Variants in FGD5 observed in about 807,000 individuals in gnomAD.
The protein encoded by FGD5 is FYVE, RhoGEF and PH domain containing 5, also known as FYVE, RhoGEF and PH domain-containing protein 5.
A neutral mutation model predicts 133.4 loss-of-function variants in FGD5; 28 were observed. That is an observed-to-expected ratio of 0.21 (90% confidence interval 0.16 to 0.29). The LOEUF is 0.29. Among genes scored for constraint, FGD5 ranks in the 10% least tolerant of loss-of-function variants. FGD5 has a pLI of 1.00. For missense variants in FGD5, 1,858 were observed against 1,895.2 expected, an observed-to-expected ratio of 0.98 and a Z score of 0.36; for synonymous variants, 810 against 776.5, an observed-to-expected ratio of 1.04 and a Z score of -0.72.
Position 14,864,215 on chromosome 3 carries a change from G to A in FGD5, c.2613G>A (p.Ser871=), listed in dbSNP as rs267599640. ...CGTCGGATGAAGAGCAGAGAAGCTC[G>A]GAGGAGGAGGACAGTGCTTCAAGAG... ...DLTSDEEQRS[S]EEEDSASRDP... The change falls in exon 2 of 20, where the codon TCG becomes TCA. Residue 871 remains serine (S), a synonymous_variant. Coordinates refer to ENST00000285046, the MANE Select transcript of FGD5 (RefSeq NM_152536.4). The A allele has an allele frequency of 1.1e-5, 18 of 1,613,352 alleles. No individual in the cohort carries two copies. Among genetic ancestry groups the A allele is most frequent in the African/African-American group, 1.3e-5 (1 of 74,934 alleles).
At chr3:14,859,477 GA>G (rs536688060) in intron 1 of FGD5, among the ~76,000 whole-genome samples, 16 of 152,012 alleles carry the variant, frequency 1.1e-4, no homozygotes, top group African/African-American at 3.6e-4. Flanking sequence ...AGAATCACTT[GA>G]ACCTAGAAAG....
At chr3:14,837,110 A>G (rs898653333) in intron 1 of FGD5, among the ~76,000 whole-genome samples, 6 of 152,200 alleles carry the variant, frequency 3.9e-5, no homozygotes, top group African/African-American at 1.4e-4. Context: ...TGTGAAGTGC[A>G]GAGAGTCAAA....
intron 1 of FGD5, among the ~76,000 whole-genome samples, chr3:14,842,500 C>A (rs188797518): frequency 6.8e-4 from 103 of 152,330 alleles, no homozygotes; most frequent in Non-Finnish European, 1.1e-3. Context: ...TTCAGCTTCC[C>A]TCTGTTCTCC....
At chr3:14,895,523 G>A (rs1038283242) in intron 4 of FGD5, among the ~76,000 whole-genome samples, 1 of 152,134 alleles carries the variant, frequency 6.6e-6, no homozygotes, top group African/African-American at 2.4e-5. Flanking sequence ...GTGATTGTGT[G>A]GATTTATATC....
At chr3:14,860,801 C>T (rs2037382629) in intron 1 of FGD5, among the ~76,000 whole-genome samples, 1 of 140,678 alleles carries the variant, frequency 7.1e-6, no homozygotes, top group East Asian at 3.3e-4. Context: ...TAGTGAGACC[C>T]CTTTTTTAAA....
intron 1 of FGD5, among the ~76,000 whole-genome samples, chr3:14,855,713 TTG>T (rs372584025): frequency 6.6e-6 from 1 of 151,928 alleles, no homozygotes; most frequent in Non-Finnish European, 1.5e-5. Flanking sequence ...GATTGGGTTT[TTG>T]TGTGTGTGTG....
intron 11 of FGD5, among the ~76,000 whole-genome samples, chr3:14,913,158 A>G (rs1036665903): frequency 5.9e-5 from 9 of 152,028 alleles, no homozygotes; most frequent in Admixed American, 4.6e-4. Context: ...CCCTTAGACA[A>G]CTCACAGACA....
chr3:14,922,327 A>G lies in FGD5; in HGVS notation c.3670-84A>G. On this transcript the variant is annotated intron_variant, in intron 14 of 19. Coordinates refer to ENST00000285046, the MANE Select transcript of FGD5 (RefSeq NM_152536.4). The surrounding 1 kb of genome is among the most constrained non-coding windows in gnomAD (Gnocchi z 4.1). ...CACACATCACACACCCTGCACAGAG[A>G]CGCAGGGCAGGGCTCACTGGGCTCT... 1 of 1,516,074 alleles carries G rather than the reference A, an allele frequency of 6.6e-7. No individual in the cohort carries two copies. Among genetic ancestry groups the G allele is most frequent in the South Asian group, 1.2e-5 (1 of 80,934 alleles). The allele number at this position is 1,516,074 out of a possible 1,614,324, so 93.9% of individuals were successfully genotyped here.
intron 4 of FGD5, among the ~76,000 whole-genome samples, chr3:14,891,659 C>G (rs1352881067): frequency 6.6e-6 from 1 of 152,216 alleles, no homozygotes; most frequent in Non-Finnish European, 1.5e-5. Context: ...CGTGTCCTCC[C>G]CGTAGTTCCT....
At chr3:14,834,950 CA>C (rs780277169) in intron 1 of FGD5, among the ~76,000 whole-genome samples, 3 of 152,208 alleles carry the variant, frequency 2.0e-5, no homozygotes, top group Non-Finnish European at 4.4e-5. Context: ...TTAATCCTCC[CA>C]ACCGCCGTGC....
At chr3:14,902,905 A>G (rs2038269364) in intron 9 of FGD5, among the ~76,000 whole-genome samples, 1 of 152,190 alleles carries the variant, frequency 6.6e-6, no homozygotes, top group Non-Finnish European at 1.5e-5. Context: ...GAACCGGAGC[A>G]GCCGACGGCC....
At chr3:14,930,456 G>A (rs1378916348) in intron 18 of FGD5, among the ~76,000 whole-genome samples, 1 of 152,100 alleles carries the variant, frequency 6.6e-6, no homozygotes, top group Non-Finnish European at 1.5e-5. Context: ...AATTAGGGAG[G>A]TGTGGTGGTG....
chr3:14,837,575 G>C (rs186853765), intron 1 of FGD5, among the ~76,000 whole-genome samples: 1 of 152,122 alleles, frequency 6.6e-6, no homozygotes. Flanking sequence ...GAGGACTACC[G>C]GGTTTTTGTA....
intron 4 of FGD5, among the ~76,000 whole-genome samples, chr3:14,883,284 A>G (rs374948619): frequency 1.5e-4 from 23 of 152,316 alleles, no homozygotes; most frequent in African/African-American, 4.8e-4. Context: ...AAAGCTTAAA[A>G]TATTTATCAT....
rs1027880712 is a variant in FGD5 at position 14,933,428 on chromosome 3, C to T, written c.*261C>T. On this transcript the variant is annotated 3_prime_UTR_variant, in exon 20 of 20. Transcript: ENST00000285046. ...CCCGCCACCCAGTAATAAACTATTT[C>T]CTTACCCCGCAGTGAGTTAAAATTT... The T allele has an allele frequency of 3.9e-5, 19 of 487,670 alleles. No homozygotes were observed. The highest frequency in any genetic ancestry group is 3.5e-4 in the South Asian group (13 of 36,852). The allele number at this position is 487,670 out of a possible 1,614,324, so 30.2% of individuals were successfully genotyped here.
In FGD5 at chr3:14,897,634, C is replaced by T. The variant is rs200072982; in HGVS notation, c.2874C>T (p.Gly958=). 3 of 1,606,782 alleles carry T rather than the reference C, an allele frequency of 1.9e-6. No individual in the cohort carries two copies. Among genetic ancestry groups the T allele is most frequent in the Non-Finnish European group, 2.5e-6 (3 of 1,176,602 alleles). ...CAGCCATCCACGACCTTCATCAAGG[C>T]ATCCTGGAGGAGCTGGAGGAAAGGC... ...ELPAIHDLHQ[G]ILEELEERLS... The change falls in exon 5 of 20, where the codon GGC becomes GGT. Residue 958 remains glycine (G), a synonymous_variant. Transcript: ENST00000285046.
chr3:14,932,851 C>T lies in FGD5; in HGVS notation c.4352+120C>T. The T allele has an allele frequency of 1.1e-5, 13 of 1,203,928 alleles. No individual in the cohort carries two copies. In the South Asian group the frequency reaches 1.3e-4, roughly 12 times the overall value. The allele number at this position is 1,203,928 out of a possible 1,614,324, so 74.6% of individuals were successfully genotyped here. ...TCCTATCCCATTAGGTCCCTTTGGG[C>T]CATAGCAGAACTGCAGAACTACCTG... On this transcript the variant is annotated intron_variant, in intron 19 of 19. Coordinates refer to ENST00000285046, the MANE Select transcript of FGD5 (RefSeq NM_152536.4).
intron 1 of FGD5, among the ~76,000 whole-genome samples, chr3:14,841,454 A>G (rs1575201094): frequency 6.6e-6 from 1 of 151,974 alleles, no homozygotes. Context: ...GTATCAAATT[A>G]TGGAGGATTG....
intron 1 of FGD5, among the ~76,000 whole-genome samples, chr3:14,857,049 T>C (rs912628582): frequency 6.6e-6 from 1 of 152,246 alleles, no homozygotes; most frequent in African/African-American, 2.4e-5. Flanking sequence ...GGTACTTTCC[T>C]TCTGCACCTA....
Sources: gnomAD v4.1 joint callset for allele counts (sites outside exome capture counted in the v4.1 genomes callset) on GRCh38, gnomAD v4.1.1 for gene constraint, Gnocchi (gnomAD v3.1) non-coding constraint, MANE v1.5 for transcripts, NCBI Gene and HGNC (gene_info 2026-07-23, HGNC 2026-07-21) for gene names.